The following PPIA variants were observed in gnomAD, a reference collection of about 807,000 sequenced individuals.
PPIA encodes peptidyl-prolyl cis-trans isomerase A.
In PPIA, 2 loss-of-function variants were observed where a neutral mutation model predicts 15.3. The observed-to-expected ratio is 0.13, with a 90% CI of 0.05 to 0.41. The LOEUF (loss-of-function observed/expected upper bound fraction) is 0.41, where lower values mean the gene tolerates loss of function less well. Ranked by LOEUF, PPIA falls within the 10% of genes least tolerant of loss-of-function variation. The probability of loss-of-function intolerance (pLI) is 0.99; values close to 1 mark genes in which losing one functional copy is unlikely to be tolerated. For missense variants in PPIA, 103 were observed against 210.3 expected (o/e 0.49, Z 3.16); for synonymous variants, 67 against 73.1 (o/e 0.92, Z 0.43).
In PPIA at chr7:44,796,805, G is replaced by A. The variant is rs1474148928; in HGVS notation, c.69+12G>A. ...GCGTCTCCTTTGAGGTCGGGCGGGC[G>A]GCGGCGTGCGGGAATGGGGCCCAGA... On this transcript the variant is annotated intron_variant, in intron 1 of 4. Coordinates refer to ENST00000468812, the MANE Select transcript of PPIA (RefSeq NM_021130.5). The A allele has an allele frequency of 3.1e-6, 5 of 1,601,284 alleles. No individual in the cohort carries two copies. In the African/African-American group the frequency reaches 5.5e-5, roughly 18 times the overall value.
At chr7:44,797,696 A>T (rs940077295) in intron 1 of PPIA, among the ~76,000 whole-genome samples, 1 of 152,260 alleles carries the variant, frequency 6.6e-6, no homozygotes, top group African/African-American at 2.4e-5. Flanking sequence ...TAATTATAGC[A>T]TAGTATCTAA....
intron 4 of PPIA, among the ~76,000 whole-genome samples, chr7:44,800,892 A>G (rs1216014941): frequency 1.3e-5 from 2 of 151,932 alleles, no homozygotes; most frequent in Non-Finnish European, 2.9e-5. Context: ...ATCTCGGCTC[A>G]CTGCAAGCTC....
intron 1 of PPIA, chr7:44,798,701 A>G (rs1490634017): frequency 5.1e-6 from 5 of 971,028 alleles, no homozygotes; most frequent in African/African-American, 3.5e-5. Context: ...AAAGGTTCAA[A>G]ACCAGATATA....
chr7:44,798,230 C>A (rs751108193), intron 1 of PPIA: 1 of 152,190 alleles, frequency 6.6e-6, no homozygotes, highest in African/African-American at 2.4e-5. Flanking sequence ...TTTAGAAAGA[C>A]CATACATTCT....
At chr7:44,798,833 C>G in intron 1 of PPIA, 1 of 998,466 alleles carries the variant, frequency 1.0e-6, no homozygotes, top group Non-Finnish European at 1.2e-6. Flanking sequence ...ATTTTCATTA[C>G]AAGTGACTAA....
At position 44,797,681 on chromosome 7, in the gene PPIA, A is replaced by G. The variant is rs550393180; in HGVS notation, c.69+888A>G. ...AGCGTTAAATGAGTTCTTAAAGATC[A>G]GTTGTAATTATAGCATAGTATCTAA... On this transcript the variant is annotated intron_variant, in intron 1 of 4. Coordinates refer to ENST00000468812, the MANE Select transcript of PPIA (RefSeq NM_021130.5). Among the ~76,000 whole-genome samples, 6 of 152,374 alleles carry G rather than the reference A, an allele frequency of 3.9e-5. No individual in the cohort carries two copies. In the South Asian group the frequency reaches 1.2e-3, roughly 32 times the overall value.
In PPIA at chr7:44,801,465, G is replaced by A. The variant is rs765301920; in HGVS notation, c.*43G>A. The stretch of plus-strand genomic sequence containing the variant: ...TCTTAACCACCAGATCATTCCTTCT[G>A]TAGCTCAGGAGAGCACCCCTCCACC... On this transcript the variant is annotated 3_prime_UTR_variant, in exon 5 of 5. Coordinates refer to ENST00000468812, the MANE Select transcript of PPIA (RefSeq NM_021130.5). The A allele has an allele frequency of 2.1e-6, 3 of 1,442,258 alleles. No individual in the cohort carries two copies. In the South Asian group the frequency reaches 3.5e-5, roughly 17 times the overall value. 89.3% of individuals were successfully genotyped at this position (1,442,258 alleles called of 1,614,324 possible). A position where few individuals can be genotyped will look rare whatever the true frequency, so the allele number is the denominator to read the frequency against.
chr7:44,801,184 G>GA (rs1554332399), intron 4 of PPIA, 103 bp from the exon 5 acceptor site: 4 of 1,057,312 alleles, frequency 3.8e-6, no homozygotes, highest in Non-Finnish European at 5.3e-6. Flanking sequence ...AAAGGCTTCA[G>GA]TTAAAAAAAA....
chr7:44,796,925 A>G (rs531203871), intron 1 of PPIA, 132 bp downstream of exon 1: 299 of 1,027,706 alleles, frequency 2.9e-4, no homozygotes, highest in Non-Finnish European at 3.7e-4. Context: ...CTGCGGCGCC[A>G]TTTCCTGACG....
At position 44,801,439 on chromosome 7, in the gene PPIA, A is replaced by T; in HGVS notation, c.*17A>T. The T allele has an allele frequency of 3.3e-6, 5 of 1,507,414 alleles. No homozygotes were observed. The highest frequency in any genetic ancestry group is 4.6e-6 in the Non-Finnish European group (5 of 1,096,150). 93.4% of individuals were successfully genotyped at this position (1,507,414 alleles called of 1,614,324 possible). On this transcript the variant is annotated 3_prime_UTR_variant, in exon 5 of 5. Coordinates refer to ENST00000468812, the MANE Select transcript of PPIA (RefSeq NM_021130.5). ...CTCGAATAAGTTTGACTTGTGTTTTATCTTAACCACCAGATCATTCCTTCT... is the reference window on the plus strand; with the variant it reads ...CTCGAATAAGTTTGACTTGTGTTTTTTCTTAACCACCAGATCATTCCTTCT...
chr7:44,799,743 C>T lies in PPIA; in HGVS notation c.231C>T (p.Ser77=). The change falls in exon 4 of 5, where the codon TCC becomes TCT. Residue 77 remains serine, a synonymous_variant. Coordinates refer to ENST00000468812, the MANE Select transcript of PPIA (RefSeq NM_021130.5). ...GCCATAATGGCACTGGTGGCAAGTC[C>T]ATCTATGGGGAGAAATTTGAAGATG... ...FTRHNGTGGK[S]IYGEKFEDEN... is the part of the protein sequence containing the mutation. 1.9e-6 allele frequency: 3 copies of T among 1,613,920 alleles called. No individual in the cohort carries two copies. The highest frequency in any genetic ancestry group is 2.5e-6 in the Non-Finnish European group (3 of 1,179,898).
chr7:44,798,397 C>CA (rs1216383782), intron 1 of PPIA: 1 of 152,034 alleles, frequency 6.6e-6, no homozygotes, highest in Non-Finnish European at 1.5e-5. Context: ...CCTGTAATCT[C>CA]AGCTACTCTA....
At chr7:44,801,200 A>AG in intron 4 of PPIA, 87 bp from the exon 5 acceptor site, 1 of 1,413,276 alleles carries the variant, frequency 7.1e-7, no homozygotes, top group South Asian at 1.3e-5. Flanking sequence ...AAAAAAAAAA[A>AG]AAGCTACCTT....
At chr7:44,799,910 A>T (rs1456756849) in intron 4 of PPIA, 36 bp downstream of exon 4, 1 of 1,596,270 alleles carries the variant, frequency 6.3e-7, no homozygotes, top group Non-Finnish European at 8.5e-7. Flanking sequence ...CCACCTGACT[A>T]AATGAAAAGT....
chr7:44,798,916 C>T, intron 1 of PPIA: 1 of 1,080,560 alleles, frequency 9.3e-7, no homozygotes, highest in Non-Finnish European at 1.1e-6. Context: ...TAAGTTCTAG[C>T]TCAAGTTGGG....
At chr7:44,796,867 A>G (rs1792383211) in intron 1 of PPIA, 74 bp downstream of exon 1, 2 of 1,474,990 alleles carry the variant, frequency 1.4e-6, no homozygotes, top group South Asian at 2.5e-5. Context: ...TAGCGCCCCA[A>G]AGGCCCGGGC....
intron 4 of PPIA, among the ~76,000 whole-genome samples, chr7:44,800,191 C>A (rs555654024): frequency 6.6e-6 from 1 of 152,052 alleles, no homozygotes; most frequent in African/African-American, 2.4e-5. Flanking sequence ...TGGGTTCAAG[C>A]GATTCTCCTG....
Position 44,802,748 on chromosome 7 carries a change from A to G in PPIA, c.*1326A>G, listed in dbSNP as rs936027333. The G allele has an allele frequency of 3.9e-5, 6 of 152,158 alleles. No individual in the cohort carries two copies. The highest frequency in any genetic ancestry group is 8.8e-5 in the Non-Finnish European group (6 of 68,042). 9.4% of individuals were successfully genotyped at this position (152,158 alleles called of 1,614,324 possible). A position where few individuals can be genotyped will look rare whatever the true frequency, so the allele number is the denominator to read the frequency against. ...AGCCATAAGATCTGGTCAAAGGGAT[A>G]CCCTTCCCACTAAGGACTTGGTTTC... On this transcript the variant is annotated 3_prime_UTR_variant, in exon 5 of 5. Transcript: ENST00000468812.
chr7:44,798,657 T>C, intron 1 of PPIA: 2 of 809,156 alleles, frequency 2.5e-6, no homozygotes, highest in Middle Eastern at 6.3e-4. Flanking sequence ...GTATTTAAGC[T>C]ACCTCTCTAG....
Sources: gnomAD v4.1 joint callset for allele counts (sites outside exome capture counted in the v4.1 genomes callset) on GRCh38, gnomAD v4.1.1 for gene constraint, MANE v1.5 for transcripts, NCBI Gene and HGNC (gene_info 2026-07-23, HGNC 2026-07-21) for gene names.